L2HGDH: variants seen among roughly 807,000 people sequenced by gnomAD.
The protein encoded by L2HGDH is L-2-hydroxyglutarate dehydrogenase, mitochondrial.
Under a neutral mutation model 51.5 loss-of-function variants are expected in L2HGDH, and 34 were observed. The observed-to-expected ratio is 0.66, with a 90% CI of 0.50 to 0.88. The LOEUF (loss-of-function observed/expected upper bound fraction) is 0.88. L2HGDH is among the 40% of genes least tolerant of loss of function. The pLI, the probability that L2HGDH is intolerant of heterozygous loss-of-function variation, is 0.00. For synonymous variants in L2HGDH, 198 were observed against 197.9 expected, an observed-to-expected ratio of 1.00 and a Z score of -0.01; for missense variants, 558 against 571.9, an observed-to-expected ratio of 0.98 and a Z score of 0.25.
At chr14:50,254,063 GA>G (rs1199329721) in intron 9 of L2HGDH, among the ~76,000 whole-genome samples, 1 of 152,046 alleles carries the variant, frequency 6.6e-6, no homozygotes, top group Non-Finnish European at 1.5e-5. Flanking sequence ...GGGAGGTGGG[GA>G]TGGTTAATGG....
In L2HGDH at chr14:50,269,136, T is replaced by A. The variant is rs184295930; in HGVS notation, c.906+27A>T. On this transcript the variant is annotated intron_variant, in intron 7 of 9. Transcript: ENST00000267436. ...ATGACCACCACCTGCTTGAAAAAAA[T>A]GAGAAGTAGGAAGCATCATTACCTA... 730 of 1,550,770 alleles carry A rather than the reference T, an allele frequency of 4.7e-4. 6 individuals are homozygous for A. The African/African-American group carries it at 5.6e-3, about 12-fold the overall frequency.
intron 8 of L2HGDH, among the ~76,000 whole-genome samples, chr14:50,266,477 T>C (rs1889340994): frequency 6.6e-6 from 1 of 152,058 alleles, no homozygotes; most frequent in Non-Finnish European, 1.5e-5. Context: ...ACCCTGTCTC[T>C]ACAGAAAACA....
chr14:50,306,199 C>T (rs538098585), intron 1 of L2HGDH, among the ~76,000 whole-genome samples: 5 of 151,824 alleles, frequency 3.3e-5, no homozygotes, highest in Non-Finnish European at 5.9e-5. Context: ...TACAGGTGCG[C>T]GCCACCATGC....
At chr14:50,305,164 G>C (rs559754284) in intron 1 of L2HGDH, among the ~76,000 whole-genome samples, 22 of 152,300 alleles carry the variant, frequency 1.4e-4, no homozygotes, top group African/African-American at 5.1e-4. Flanking sequence ...GGGGTCATAA[G>C]TGGATAAAGT....
Position 50,257,880 on chromosome 14 carries a change from T to C in L2HGDH, c.1196+7478A>G, listed in dbSNP as rs192234177. Among the ~76,000 whole-genome samples, 458 of 151,830 alleles carry C rather than the reference T, an allele frequency of 3.0e-3. 2 individuals are homozygous for C. The highest frequency in any genetic ancestry group is 0.01 in the African/African-American group (422 of 41,446). On this transcript the variant is annotated intron_variant, in intron 9 of 9. Coordinates refer to ENST00000267436, the MANE Select transcript of L2HGDH (RefSeq NM_024884.3). ...AAGTCTAATTCTGCCACTTATTTTATCTGCTGACTCTCACTTATGGTGGTT... is the reference window on the plus strand; with the variant it reads ...AAGTCTAATTCTGCCACTTATTTTACCTGCTGACTCTCACTTATGGTGGTT...
At chr14:50,264,870 C>T (rs565688260) in intron 9 of L2HGDH, among the ~76,000 whole-genome samples, 4 of 152,032 alleles carry the variant, frequency 2.6e-5, no homozygotes, top group Non-Finnish European at 5.9e-5. Flanking sequence ...GTACCCCAAA[C>T]CTAAAAGGTT....
Position 50,254,440 on chromosome 14 carries a change from T to A in L2HGDH, c.1197-7187A>T, listed in dbSNP as rs191651435. The stretch of plus-strand genomic sequence containing the variant: ...CTTGGGGTAGAGACGCATATGTTTA[T>A]CAGCTGGTATGTGGCCTATTTTGTA... On this transcript the variant is annotated intron_variant, in intron 9 of 9. Transcript: ENST00000267436. Among the ~76,000 whole-genome samples the A allele has an allele frequency of 1.1e-4, 16 of 152,214 alleles. No homozygotes were observed. In the East Asian group the frequency reaches 3.1e-3, roughly 29 times the overall value.
At chr14:50,278,603 A>T (rs1890100001) in intron 5 of L2HGDH, 49 bp from the exon 6 acceptor site, 1 of 934,274 alleles carries the variant, frequency 1.1e-6, no homozygotes, top group South Asian at 1.4e-5. Context: ...AAAGGCCAAC[A>T]TTATTTGAAA....
intron 6 of L2HGDH, among the ~76,000 whole-genome samples, chr14:50,270,613 TCTCCTGC>T (rs1889620678): frequency 6.6e-6 from 1 of 152,032 alleles, no homozygotes; most frequent in South Asian, 2.1e-4. Flanking sequence ...TTCACGCCAT[TCTCCTGC>T]CTCAGCCTTC....
At chr14:50,303,250 C>T (rs1414135655) in intron 1 of L2HGDH, among the ~76,000 whole-genome samples, 1 of 151,874 alleles carries the variant, frequency 6.6e-6, no homozygotes, top group Non-Finnish European at 1.5e-5. Flanking sequence ...GGTGAAACCC[C>T]GTCTCTACTA....
In L2HGDH at chr14:50,269,151, A is replaced by G; in HGVS notation, c.906+12T>C. On this transcript the variant is annotated intron_variant, in intron 7 of 9. Transcript: ENST00000267436. ...TTGAAAAAAATGAGAAGTAGGAAGC[A>G]TCATTACCTACCGGATAAATATTTC... The G allele has an allele frequency of 3.7e-6, 6 of 1,611,048 alleles. No homozygotes were observed. Among genetic ancestry groups the G allele is most frequent in the Non-Finnish European group, 5.1e-6 (6 of 1,177,334 alleles).
At chr14:50,250,058 C>T (rs1055310493) in intron 9 of L2HGDH, among the ~76,000 whole-genome samples, 49 of 152,126 alleles carry the variant, frequency 3.2e-4, no homozygotes, top group African/African-American at 9.4e-4. Flanking sequence ...CACTCCACCA[C>T]GCCCAGCTGA....
chr14:50,258,566 T>G (rs528877339), intron 9 of L2HGDH, among the ~76,000 whole-genome samples: 3 of 151,992 alleles, frequency 2.0e-5, no homozygotes, highest in African/African-American at 4.8e-5. Context: ...CAGGCTGGAG[T>G]GCACTGGCAT....
At chr14:50,269,084 C>A in intron 7 of L2HGDH, 79 bp downstream of exon 7, 6 of 1,204,604 alleles carry the variant, frequency 5.0e-6, no homozygotes, top group Non-Finnish European at 7.3e-6. Flanking sequence ...ATTTCTGACC[C>A]AAGTGAAAGT....
chr14:50,277,568 G>T (rs556406190), intron 6 of L2HGDH, among the ~76,000 whole-genome samples: 2 of 151,872 alleles, frequency 1.3e-5, no homozygotes, highest in African/African-American at 2.4e-5. Flanking sequence ...GAGGTCAGGA[G>T]ATCGAGACCA....
intron 4 of L2HGDH, among the ~76,000 whole-genome samples, chr14:50,291,333 G>C (rs1890879301): frequency 1.3e-5 from 2 of 151,834 alleles, no homozygotes; most frequent in South Asian, 2.1e-4. Flanking sequence ...AATTTGCTCA[G>C]AGTATGAAAT....
At chr14:50,288,139 T>C (rs1648654269) in intron 4 of L2HGDH, among the ~76,000 whole-genome samples, 1 of 152,364 alleles carries the variant, frequency 6.6e-6, no homozygotes, top group African/African-American at 2.4e-5. Context: ...AATCCTTTTT[T>C]CTGGGTTTTT....
intron 7 of L2HGDH, among the ~76,000 whole-genome samples, chr14:50,268,926 C>T (rs533952325): frequency 5.5e-4 from 84 of 152,238 alleles, no homozygotes; most frequent in Middle Eastern, 3.4e-3. Flanking sequence ...TAGCACTTCC[C>T]AGAGTGCACT....
chr14:50,283,776 A>T, intron 5 of L2HGDH, 95 bp downstream of exon 5: 1 of 1,027,706 alleles, frequency 9.7e-7, no homozygotes, highest in Non-Finnish European at 1.5e-6. Context: ...TTTTTCCCAA[A>T]TATTTTTCAT....
Sources: allele counts gnomAD v4.1 joint callset (sites outside exome capture counted in the v4.1 genomes callset), GRCh38; gene constraint gnomAD v4.1.1; transcripts MANE v1.5; gene names NCBI Gene and HGNC (gene_info 2026-07-23, HGNC 2026-07-21).